ABCB9: variants seen among roughly 807,000 people sequenced by gnomAD.
ABCB9 encodes ABC-type oligopeptide transporter ABCB9.
ABCB9 carries 36 observed loss-of-function variants against 62.0 expected under a neutral mutation model. That is an observed-to-expected ratio of 0.58 (90% CI 0.45 to 0.77). The LOEUF is 0.77. Ranked by LOEUF, ABCB9 falls within the 30% of genes least tolerant of loss-of-function variation. ABCB9 has a pLI of 0.00. For missense variants in ABCB9, 943 were observed against 1,054.7 expected, an observed-to-expected ratio of 0.89 and a Z score of 1.47; for synonymous variants, 435 against 461.4, an observed-to-expected ratio of 0.94 and a Z score of 0.73.
chr12:122,971,922 C>A lies in ABCB9; in HGVS notation c.-88+2793G>T, dbSNP rs901021230. ...CTTGCTACTCAATTTTGCTGTGAGC[C>A]TAAAACTGATCTTAAAAAAAAGGAA... On this transcript the variant is annotated intron_variant, in intron 1 of 11. Coordinates refer to the ABCB9 transcript ENST00000392439. Among the ~76,000 whole-genome samples the A allele has an allele frequency of 5.9e-5, 9 of 151,414 alleles. No individual in the cohort carries two copies. In the South Asian group the frequency reaches 1.2e-3, roughly 21 times the overall value.
intron 4 of ABCB9, chr12:122,949,053 C>G: frequency 2.5e-6 from 1 of 406,650 alleles, no homozygotes; most frequent in Non-Finnish European, 4.4e-6. Flanking sequence ...CGCTGTACAG[C>G]GGAGGAGGCT....
At chr12:122,948,220 G>A (rs182480428) in intron 5 of ABCB9, 589 of 155,114 alleles carry the variant, frequency 3.8e-3, no homozygotes, top group African/African-American at 0.013. Context: ...TTACAGGCAT[G>A]AGCCACCGGG....
rs763032795 is a variant in ABCB9, at chr12:122,948,809, T to C, written c.868A>G (p.Thr290Ala). 6.3e-7 allele frequency: 1 copy of C among 1,582,322 alleles called. No homozygotes were observed. The change falls in exon 5 of 12, where the codon ACC becomes GCC. Residue 290 changes from threonine to alanine, a missense_variant. Thr to Ala is a moderately conservative substitution (Grantham distance 58). Transcript: ENST00000280560. The stretch of plus-strand genomic sequence containing the variant: ...TCGCTGACCATGGTGGTGTCCGAGG[T>C]CAGGCGGGAGATGAGGTCCCCTGGA... ...NRTGDLISRL[T>A]SDTTMVSDLV...
chr12:122,965,780 C>T (rs893802909), intron 1 of ABCB9, among the ~76,000 whole-genome samples: 2 of 152,066 alleles, frequency 1.3e-5, no homozygotes, highest in Middle Eastern at 3.2e-3. Context: ...CCCTGGGAAC[C>T]TACAGGCCTC....
At chr12:122,919,893 ATTT>A (rs931331933), downstream of ABCB9, among the ~76,000 whole-genome samples, 10 of 91,236 alleles carry the variant, frequency 1.1e-4, no homozygotes, top group East Asian at 2.3e-3. Flanking sequence ...TTATTTATTT[ATTT>A]ATTTATTTAT....
rs2035034841 is a variant in ABCB9, at chr12:122,929,715, A to G, written c.*196T>C. ...GTCCGTGAAGGCGTTGGCTCAGGGC[A>G]GCAGGGGTAAGGAGTGCCCTGGGAA... On this transcript the variant is annotated 3_prime_UTR_variant, in exon 12 of 12. Transcript: ENST00000280560. This position sits in a 1 kb window ranked among gnomAD's most constrained non-coding sequence, Gnocchi z 6.0. The G allele has an allele frequency of 7.4e-7, 1 of 1,346,632 alleles. No individual in the cohort carries two copies. The allele number at this position is 1,346,632 out of a possible 1,614,324, so 83.4% of individuals were successfully genotyped here. A position where few individuals can be genotyped will look rare whatever the true frequency, so the allele number is the denominator to read the frequency against.
At position 122,965,476 on chromosome 12, in the gene ABCB9, G is replaced by A. The variant is rs1470445038; in HGVS notation, c.-88+811C>T. 3.9e-5 allele frequency among the ~76,000 whole-genome samples: 6 copies of A among 152,310 alleles called. No individual in the cohort carries two copies. In the South Asian group the frequency reaches 6.2e-4, roughly 16 times the overall value. On this transcript the variant is annotated intron_variant, in intron 1 of 11. Transcript: ENST00000280560. ...TGGGGCAGGAGCGGGCTGGGTCTGC[G>A]TGGGTCCATCCTGATTTCATCCCTG... is the stretch of plus-strand genomic sequence containing the variant.
chr12:122,926,279 TCA>T (rs2034903196), downstream of ABCB9, among the ~76,000 whole-genome samples: 1 of 152,240 alleles, frequency 6.6e-6, no homozygotes, highest in African/African-American at 2.4e-5. Context: ...GCGCAGTGGC[TCA>T]CACCTCTAAT....
chr12:122,940,750 A>G lies in ABCB9; in HGVS notation c.1569+57T>C, dbSNP rs2135805607. ...CCACAGCCTGGTGTATAGGAGGTGC[A>G]CCAGAAATGGGGTGACGGAAAGGCT... is the stretch of plus-strand genomic sequence containing the variant. On this transcript the variant is annotated intron_variant, in intron 8 of 11. Coordinates refer to ENST00000280560, the MANE Select transcript of ABCB9 (RefSeq NM_019625.4). The surrounding 1 kb of genome is among the most constrained non-coding windows in gnomAD (Gnocchi z 4.8). The G allele has an allele frequency of 3.3e-6, 5 of 1,494,904 alleles. No individual in the cohort carries two copies. In the African/African-American group the frequency reaches 5.5e-5, roughly 16 times the overall value. 92.6% of individuals were successfully genotyped at this position (1,494,904 alleles called of 1,614,324 possible). A position where few individuals can be genotyped will look rare whatever the true frequency, so the allele number is the denominator to read the frequency against.
intron 9 of ABCB9, among the ~76,000 whole-genome samples, chr12:122,936,571 G>C (rs2035469154): frequency 6.6e-6 from 1 of 151,090 alleles, no homozygotes; most frequent in Non-Finnish European, 1.5e-5. Flanking sequence ...TTTGAGATCA[G>C]CCTGAGCAAC....
In ABCB9 at chr12:122,944,310, G is replaced by T; in HGVS notation, c.1380+81C>A. ...ATACCACATTGTCAGAGTCCCTGGA[G>T]CCCCGCCCCCACCCTGTTAAGATCC... On this transcript the variant is annotated intron_variant, in intron 7 of 11. Transcript: ENST00000280560. This position sits in a 1 kb window ranked among gnomAD's most constrained non-coding sequence, Gnocchi z 4.9. 6.6e-7 allele frequency: 1 copy of T among 1,513,420 alleles called. No individual in the cohort carries two copies. Among genetic ancestry groups the T allele is most frequent in the Non-Finnish European group, 8.9e-7 (1 of 1,119,074 alleles). 93.7% of individuals were successfully genotyped at this position (1,513,420 alleles called of 1,614,324 possible). A position where few individuals can be genotyped will look rare whatever the true frequency, so the allele number is the denominator to read the frequency against.
rs770665149 is a variant in ABCB9, at chr12:122,930,085, G to A, written c.2127C>T (p.Leu709=). ...CGCGGCCCTTGTCCAGCACCACAAT[G>A]AGGTGCGCGTGCTCCACGGTGCTCA... ...HRLSTVEHAH[L]IVVLDKGRVV... Residue 709 remains leucine (L), a synonymous_variant, in exon 12 of 12, where the codon CTC becomes CTT. Coordinates refer to ENST00000280560, the MANE Select transcript of ABCB9 (RefSeq NM_019625.4). The surrounding 1 kb of genome is among the most constrained non-coding windows in gnomAD (Gnocchi z 4.9). 6 of 1,562,100 alleles carry A rather than the reference G, an allele frequency of 3.8e-6. No homozygotes were observed. The highest frequency in any genetic ancestry group is 5.2e-6 in the Non-Finnish European group (6 of 1,153,324).
downstream of ABCB9, among the ~76,000 whole-genome samples, chr12:122,919,848 G>T (rs2034703656): frequency 6.6e-6 from 1 of 151,258 alleles, no homozygotes; most frequent in African/African-American, 2.4e-5. Context: ...GTCGCTGTTA[G>T]GACCTCCCCC....
chr12:122,925,673 G>A (rs954689386), downstream of ABCB9, among the ~76,000 whole-genome samples: 3 of 152,116 alleles, frequency 2.0e-5, no homozygotes, highest in Admixed American at 6.6e-5. Context: ...GCATGAACCC[G>A]GGAGGCGGAG....
chr12:122,947,709 G>A lies in ABCB9; in HGVS notation c.1053+915C>T, dbSNP rs867858633. The A allele has an allele frequency of 2.2e-5, 6 of 268,626 alleles. No homozygotes were observed. The highest frequency in any genetic ancestry group is 8.7e-5 in the Admixed American group (2 of 23,098). 16.6% of individuals were successfully genotyped at this position (268,626 alleles called of 1,614,324 possible). On this transcript the variant is annotated intron_variant, in intron 5 of 11. Coordinates refer to ENST00000280560, the MANE Select transcript of ABCB9 (RefSeq NM_019625.4). This position sits in a 1 kb window ranked among gnomAD's most constrained non-coding sequence, Gnocchi z 6.0. ...CTAGCTCGGAAGCAGAAGCAGTGCC[G>A]TGGGGTGGCCAGAGGGGACAGCAGC...
intron 1 of ABCB9, chr12:122,973,142 G>C (rs923302204): frequency 2.0e-5 from 3 of 152,306 alleles, no homozygotes; most frequent in African/African-American, 7.2e-5. Context: ...TCCCTTCGGT[G>C]ACTGAGCCCA....
intron 11 of ABCB9, among the ~76,000 whole-genome samples, chr12:122,923,282 C>CTTAT (rs768667878): frequency 2.0e-5 from 3 of 150,400 alleles, no homozygotes; most frequent in African/African-American, 4.9e-5. Context: ...ACCAGTACTT[C>CTTAT]TTATTTATTT....
In ABCB9 at chr12:122,929,870, AC is replaced by A; in HGVS notation, c.*40del. On this transcript the variant is annotated 3_prime_UTR_variant, in exon 12 of 12. Transcript: ENST00000280560. The surrounding 1 kb of genome is among the most constrained non-coding windows in gnomAD (Gnocchi z 6.0). Reference sequence around the variant, plus strand: ...CCGTGGGCACATCTGCCAGGCAGGCACCGGGTCCTCTGCCCCACCGGGAGAA... The same window carrying A: ...CCGTGGGCACATCTGCCAGGCAGGCACGGGTCCTCTGCCCCACCGGGAGAA... 6.7e-7 allele frequency: 1 copy of A among 1,496,184 alleles called. No individual in the cohort carries two copies. Among genetic ancestry groups the A allele is most frequent in the South Asian group, 1.3e-5 (1 of 76,640 alleles). 92.7% of individuals were successfully genotyped at this position (1,496,184 alleles called of 1,614,324 possible). A position where few individuals can be genotyped will look rare whatever the true frequency, so the allele number is the denominator to read the frequency against.
chr12:122,937,453 T>C (rs1306791580), intron 9 of ABCB9, among the ~76,000 whole-genome samples: 1 of 151,794 alleles, frequency 6.6e-6, no homozygotes, highest in Non-Finnish European at 1.5e-5. Flanking sequence ...GAAAAGGTGT[T>C]TAATATCTTC....
Sources: allele counts gnomAD v4.1 joint callset (sites outside exome capture counted in the v4.1 genomes callset), GRCh38; gene constraint gnomAD v4.1.1; non-coding constraint Gnocchi (gnomAD v3.1); transcripts MANE v1.5; gene names NCBI Gene and HGNC (gene_info 2026-07-23, HGNC 2026-07-21).